Variants in MKX observed in about 807,000 individuals in gnomAD.
MKX encodes the protein mohawk homeobox.
In MKX, 13 loss-of-function variants were observed where a neutral mutation model predicts 36.0. The observed-to-expected ratio is 0.36, with a 90% confidence interval of 0.24 to 0.57. The LOEUF is 0.57. Among genes scored for constraint, MKX ranks in the 20% least tolerant of loss-of-function variants. MKX has a pLI of 0.79. For missense variants in MKX, 458 were observed against 456.4 expected (o/e 1.00, Z -0.03); for synonymous variants, 176 against 178.3 (o/e 0.99, Z 0.10).
intron 5 of MKX, among the ~76,000 whole-genome samples, chr10:27,695,009 A>T (rs1364514985): frequency 2.0e-5 from 3 of 151,960 alleles, no homozygotes; most frequent in African/African-American, 7.3e-5. Flanking sequence ...AAGCAAGAGT[A>T]ATTGTTATAG....
At chr10:27,693,823 GT>G (rs1176850752) in intron 5 of MKX, among the ~76,000 whole-genome samples, 1 of 152,012 alleles carries the variant, frequency 6.6e-6, no homozygotes, top group Admixed American at 6.6e-5. Context: ...GACTGTTATG[GT>G]TTGGCTGTGT....
At chr10:27,688,237 C>T (rs1836392439) in intron 5 of MKX, among the ~76,000 whole-genome samples, 1 of 151,222 alleles carries the variant, frequency 6.6e-6, no homozygotes, top group African/African-American at 2.4e-5. Context: ...CTTTAATTTT[C>T]TACATCTAGA....
intron 5 of MKX, among the ~76,000 whole-genome samples, chr10:27,678,150 GAA>G (rs1406861299): frequency 6.6e-6 from 1 of 152,102 alleles, no homozygotes; most frequent in African/African-American, 2.4e-5. Context: ...TAGTATCTGC[GAA>G]GTCATTTTTT....
rs759205349 is a variant in MKX, at chr10:27,743,213, G to T, written c.188+15C>A. The T allele has an allele frequency of 4.8e-6, 7 of 1,469,686 alleles. No homozygotes were observed. The African/African-American group carries it at 1.0e-4, about 22-fold the overall frequency. 91.0% of individuals were successfully genotyped at this position (1,469,686 alleles called of 1,614,324 possible). A position where few individuals can be genotyped will look rare whatever the true frequency, so the allele number is the denominator to read the frequency against. ...GGGCCGCAGGCGGGCAGGGCCCCCAGGGGAGTGCGCATACCCGGTCCTCCG... is the reference window on the plus strand; with the variant it reads ...GGGCCGCAGGCGGGCAGGGCCCCCATGGGAGTGCGCATACCCGGTCCTCCG... On this transcript the variant is annotated intron_variant, in intron 2 of 6. Transcript: ENST00000419761.
At position 27,719,848 on chromosome 10, in the gene MKX, C is replaced by G. The variant is rs138603843; in HGVS notation, c.838+14608G>C. Among the ~76,000 whole-genome samples, 580 of 151,732 alleles carry G rather than the reference C, an allele frequency of 3.8e-3. 2 individuals are homozygous for G. The highest frequency in any genetic ancestry group is 0.013 in the African/African-American group (551 of 41,372). On this transcript the variant is annotated intron_variant, in intron 5 of 6. Coordinates refer to ENST00000419761, the MANE Select transcript of MKX (RefSeq NM_173576.3). Reference sequence around the variant, plus strand: ...AAAAAAAATTTTAAAATTAGCTGGGCATGGTGGCACATGCCTGTAATCCCA... The same window carrying G: ...AAAAAAAATTTTAAAATTAGCTGGGGATGGTGGCACATGCCTGTAATCCCA...
chr10:27,702,320 C>G (rs749371929), intron 5 of MKX, among the ~76,000 whole-genome samples: 2 of 152,140 alleles, frequency 1.3e-5, no homozygotes, highest in African/African-American at 4.8e-5. Flanking sequence ...CAGGGACATA[C>G]CAATGACCAC....
intron 5 of MKX, among the ~76,000 whole-genome samples, chr10:27,701,984 A>G (rs1836666959): frequency 6.6e-6 from 1 of 152,100 alleles, no homozygotes; most frequent in African/African-American, 2.4e-5. Flanking sequence ...TCTGGAGACT[A>G]GAATGTCCTC....
At chr10:27,710,700 C>T (rs1330454244) in intron 5 of MKX, among the ~76,000 whole-genome samples, 1 of 152,008 alleles carries the variant, frequency 6.6e-6, no homozygotes, top group Non-Finnish European at 1.5e-5. Context: ...GCTCTGTCAC[C>T]CAATCTGGAG....
chr10:27,693,973 C>T (rs1461117941), intron 5 of MKX, among the ~76,000 whole-genome samples: 1 of 152,094 alleles, frequency 6.6e-6, no homozygotes, highest in Non-Finnish European at 1.5e-5. Flanking sequence ...CTCATGAAAT[C>T]TGATGATTTC....
At chr10:27,723,135 T>C (rs1834416564) in intron 5 of MKX, among the ~76,000 whole-genome samples, 1 of 152,146 alleles carries the variant, frequency 6.6e-6, no homozygotes, top group Non-Finnish European at 1.5e-5. Flanking sequence ...GCTTATACTT[T>C]TCCAAGCACA....
intron 5 of MKX, among the ~76,000 whole-genome samples, chr10:27,694,722 C>T (rs1044497654): frequency 4.0e-5 from 6 of 150,510 alleles, no homozygotes; most frequent in Non-Finnish European, 7.4e-5. Context: ...TTTAATCTCC[C>T]AATTCTAAAT....
chr10:27,732,816 C>T (rs973511932), intron 5 of MKX, among the ~76,000 whole-genome samples: 1 of 152,056 alleles, frequency 6.6e-6, no homozygotes, highest in Non-Finnish European at 1.5e-5. Context: ...GGCATGATCA[C>T]GGCTCACTGC....
intron 5 of MKX, among the ~76,000 whole-genome samples, chr10:27,688,366 T>C (rs1836394043): frequency 6.6e-6 from 1 of 152,242 alleles, no homozygotes; most frequent in Non-Finnish European, 1.5e-5. Context: ...CTCAGATTAA[T>C]GGATTAAGTG....
chr10:27,687,517 T>A (rs1283559050), intron 5 of MKX, among the ~76,000 whole-genome samples: 2 of 152,216 alleles, frequency 1.3e-5, no homozygotes, highest in African/African-American at 4.8e-5. Flanking sequence ...GGTGGCTCTT[T>A]AGTCATTTCC....
chr10:27,730,016 CT>C (rs1250559747), intron 5 of MKX, among the ~76,000 whole-genome samples: 1 of 151,902 alleles, frequency 6.6e-6, no homozygotes, highest in African/African-American at 2.4e-5. Context: ...AGGAAATTCA[CT>C]CAGTCAAACA....
At chr10:27,711,499 TTTCCTTCCTTCCTTC>T (rs1211204783) in intron 5 of MKX, among the ~76,000 whole-genome samples, 49 of 93,076 alleles carry the variant, frequency 5.3e-4, no homozygotes, top group African/African-American at 2.5e-3. Flanking sequence ...CTCTCTCTTC[TTTCCTTCCTTCCTTC>T]CTTCCTTCCT....
chr10:27,694,476 C>T (rs1239844081), intron 5 of MKX, among the ~76,000 whole-genome samples: 4 of 145,924 alleles, frequency 2.7e-5, no homozygotes, highest in South Asian at 2.1e-4. Flanking sequence ...GTCAGGAGAT[C>T]GAGACCATCC....
intron 5 of MKX, among the ~76,000 whole-genome samples, chr10:27,723,314 G>A (rs537753448): frequency 7.2e-5 from 11 of 152,236 alleles, no homozygotes; most frequent in Admixed American, 4.6e-4. Flanking sequence ...AGGAGACACC[G>A]TCAAAACTAA....
intron 5 of MKX, among the ~76,000 whole-genome samples, chr10:27,699,460 G>A (rs930176073): frequency 1.3e-5 from 2 of 152,200 alleles, no homozygotes; most frequent in Admixed American, 1.3e-4. Flanking sequence ...AAAAGTTAAT[G>A]ACAACACAAA....
Sources: allele counts gnomAD v4.1 joint callset (sites outside exome capture counted in the v4.1 genomes callset), GRCh38; gene constraint gnomAD v4.1.1; transcripts MANE v1.5; gene names NCBI Gene and HGNC (gene_info 2026-07-23, HGNC 2026-07-21).